Variants in ANK2 observed in about 807,000 individuals in gnomAD.
The protein encoded by ANK2 is ankyrin 2, also known as ankyrin-2.
In ANK2, 83 loss-of-function variants were observed where a neutral mutation model predicts 360.5. That is an observed-to-expected ratio of 0.23 (90% CI 0.19 to 0.28). ANK2 has a LOEUF of 0.28. ANK2 is among the 10% of genes least tolerant of loss of function. The probability of loss-of-function intolerance (pLI) is 1.00; values close to 1 mark genes in which losing one functional copy is unlikely to be tolerated. For missense variants in ANK2, 4,201 were observed against 4,795.7 expected (o/e 0.88, Z 3.66); for synonymous variants, 1,740 against 1,759.5 (o/e 0.99, Z 0.28).
intron 1 of ANK2, among the ~76,000 whole-genome samples, chr4:113,085,511 G>A (rs770279776): frequency 1.6e-4 from 24 of 152,020 alleles, no homozygotes; most frequent in Non-Finnish European, 2.5e-4. Flanking sequence ...GTTTCACTGT[G>A]TTAGCTAGGA....
rs546123730 is a variant in ANK2 at position 113,101,208 on chromosome 4, G to T, written c.84+51396G>T. ...ATTTTTCCGAATTATAGAGATTACTGTTGATAACATGTTCATGTATCTCTT... is the reference window on the plus strand; with the variant it reads ...ATTTTTCCGAATTATAGAGATTACTTTTGATAACATGTTCATGTATCTCTT... On this transcript the variant is annotated intron_variant, in intron 1 of 45. Transcript: ENST00000357077. Among the ~76,000 whole-genome samples, 82 of 152,222 alleles carry T rather than the reference G, an allele frequency of 5.4e-4. 1 individual carries two copies. The highest frequency in any genetic ancestry group is 4.1e-3 in the South Asian group (20 of 4,820).
intron 1 of ANK2, among the ~76,000 whole-genome samples, chr4:113,068,223 C>T (rs2076304096): frequency 6.6e-6 from 1 of 152,116 alleles, no homozygotes; most frequent in Non-Finnish European, 1.5e-5. Flanking sequence ...ATTTCTTCTA[C>T]ACAATGAAAC....
chr4:113,298,889 T>C (rs970568703), intron 22 of ANK2, among the ~76,000 whole-genome samples: 2 of 152,216 alleles, frequency 1.3e-5, no homozygotes, highest in Non-Finnish European at 2.9e-5. Context: ...AAGGAAAATA[T>C]GTATTCATTT....
chr4:113,289,885 C>A (rs2066682715), intron 20 of ANK2, among the ~76,000 whole-genome samples: 1 of 152,242 alleles, frequency 6.6e-6, no homozygotes, highest in Middle Eastern at 3.4e-3. Context: ...GCTCCTAAAG[C>A]CTTTTCTGAT....
Position 113,293,542 on chromosome 4 carries a change from A to T in ANK2, c.2475+4A>T, listed in dbSNP as rs1398416896. 1 of 1,609,344 alleles carries T rather than the reference A, an allele frequency of 6.2e-7. No individual in the cohort carries two copies. The highest frequency in any genetic ancestry group is 8.5e-7 in the Non-Finnish European group (1 of 1,176,842). On this transcript the variant is annotated splice_donor_region_variant and intron_variant, in intron 22 of 45. Coordinates refer to ENST00000357077, the MANE Select transcript of ANK2 (RefSeq NM_001148.6). ...GGAGGTCACCACCACCACCACAGTG[A>T]GTATGAGTGACTGACTAGCTTCAGC... is the stretch of plus-strand genomic sequence containing the variant.
intron 4 of ANK2, among the ~76,000 whole-genome samples, chr4:113,200,080 T>A (rs924624826): frequency 6.6e-6 from 1 of 152,232 alleles, no homozygotes; most frequent in East Asian, 1.9e-4. Flanking sequence ...TTATGATAGA[T>A]AAGACATTAT....
In ANK2 at chr4:113,018,327, A is replaced by C. The variant is rs79525575; in HGVS notation, c.21+113813A>C. On this transcript the variant is annotated intron_variant, in intron 2 of 30. Coordinates refer to the ANK2 transcript ENST00000503271. ...TGAGAGATATTAGTCTTTGACCATC[A>C]ATCAAAACACCAGCTTACAAATAAA... 7.7e-3 allele frequency among the ~76,000 whole-genome samples: 1,175 copies of C among 152,326 alleles called. 17 individuals are homozygous for C. Among genetic ancestry groups the C allele is most frequent in the African/African-American group, 0.027 (1,124 of 41,566 alleles).
chr4:113,040,797 T>C (rs554576457), intron 2 of ANK2, among the ~76,000 whole-genome samples: 8 of 152,186 alleles, frequency 5.3e-5, no homozygotes, highest in Admixed American at 3.3e-4. Context: ...GGTCCTGTCT[T>C]CCCTATGCTA....
intron 23 of ANK2, among the ~76,000 whole-genome samples, chr4:113,309,661 G>C (rs991327979): frequency 7.2e-5 from 11 of 152,174 alleles, no homozygotes; most frequent in Non-Finnish European, 7.4e-5. Context: ...TGGGAATACA[G>C]GTGCATGACA....
At chr4:113,194,745 C>G (rs2098723453) in intron 2 of ANK2, among the ~76,000 whole-genome samples, 1 of 152,056 alleles carries the variant, frequency 6.6e-6, no homozygotes, top group South Asian at 2.1e-4. Flanking sequence ...CAATATCTTG[C>G]TCACAATAAG....
intron 45 of ANK2, chr4:113,378,162 G>A (rs1476950637): frequency 7.9e-7 from 1 of 1,273,674 alleles, no homozygotes; most frequent in Non-Finnish European, 1.0e-6. Context: ...CCTGAAAGAG[G>A]ATGGATCAAT....
At chr4:113,198,717 A>G (rs2098786046) in intron 3 of ANK2, among the ~76,000 whole-genome samples, 2 of 152,104 alleles carry the variant, frequency 1.3e-5, no homozygotes, top group Non-Finnish European at 2.9e-5. Flanking sequence ...GAATCTCATG[A>G]GATATTGACA....
At chr4:112,791,994 C>T in the ANK2 span, among the ~76,000 whole-genome samples, 1 of 145,078 alleles carries the variant, frequency 6.9e-6, no homozygotes, top group Non-Finnish European at 1.5e-5. Context: ...TTTTACAGAA[C>T]ATAAACCACA....
At chr4:113,019,276 C>T (rs1201138628) in intron 2 of ANK2, among the ~76,000 whole-genome samples, 7 of 152,158 alleles carry the variant, frequency 4.6e-5, no homozygotes, top group African/African-American at 1.4e-4. Flanking sequence ...AAACACAGAG[C>T]GTGTTTTCTG....
intron 2 of ANK2, among the ~76,000 whole-genome samples, chr4:112,998,160 G>T (rs1024367580): frequency 5.3e-5 from 8 of 151,994 alleles, no homozygotes; most frequent in Admixed American, 1.3e-4. Flanking sequence ...AGAAATCTTA[G>T]ATAACCCAGT....
chr4:112,802,916 A>G, the ANK2 span, among the ~76,000 whole-genome samples: 2 of 152,340 alleles, frequency 1.3e-5, no homozygotes, highest in East Asian at 3.9e-4. Context: ...TGTAGCAAGC[A>G]TCCAACATTA....
intron 1 of ANK2, among the ~76,000 whole-genome samples, chr4:113,120,624 G>C (rs1356977674): frequency 6.6e-6 from 1 of 151,790 alleles, no homozygotes; most frequent in Non-Finnish European, 1.5e-5. Context: ...ATAAGTTCAG[G>C]GGTACATGTT....
At chr4:112,723,119 C>T in the ANK2 span, among the ~76,000 whole-genome samples, 1 of 152,188 alleles carries the variant, frequency 6.6e-6, no homozygotes, top group African/African-American at 2.4e-5. Context: ...ACTTCTGATA[C>T]ACCTACACAG....
intron 2 of ANK2, among the ~76,000 whole-genome samples, chr4:113,022,853 A>G (rs1162733465): frequency 6.6e-6 from 1 of 152,234 alleles, no homozygotes; most frequent in Admixed American, 6.5e-5. Context: ...AGCATAATCA[A>G]TACAATGAAG....
Sources: allele counts gnomAD v4.1 joint callset (sites outside exome capture counted in the v4.1 genomes callset), GRCh38; gene constraint gnomAD v4.1.1; transcripts MANE v1.5; gene names NCBI Gene and HGNC (gene_info 2026-07-23, HGNC 2026-07-21).